GATAD2B: variants seen among roughly 807,000 people sequenced by gnomAD.
GATAD2B encodes the protein GATA zinc finger domain containing 2B, also known as transcriptional repressor p66-beta.
Under a neutral mutation model 64.3 loss-of-function variants are expected in GATAD2B, and 8 were observed. The observed-to-expected ratio is 0.12, with a 90% confidence interval of 0.07 to 0.22. The LOEUF is 0.22. Ranked by LOEUF, GATAD2B falls within the 10% of genes least tolerant of loss-of-function variation. The pLI, the probability that GATAD2B is intolerant of heterozygous loss-of-function variation, is 1.00. For missense variants in GATAD2B, 453 were observed against 752.0 expected (o/e 0.60, Z 4.65); for synonymous variants, 281 against 271.3 (o/e 1.04, Z -0.35).
chr1:153,815,280 C>CAAAACAAAAAAA (rs1674428829), intron 7 of GATAD2B, among the ~76,000 whole-genome samples: 2 of 66,628 alleles, frequency 3.0e-5, no homozygotes, highest in Admixed American at 2.0e-4. Flanking sequence ...CTCAAAAAAA[C>CAAAACAAAAAAA]AAAAAAAAAA....
At chr1:153,869,270 C>A (rs1025504734) in intron 1 of GATAD2B, among the ~76,000 whole-genome samples, 1 of 142,662 alleles carries the variant, frequency 7.0e-6, no homozygotes, top group Admixed American at 7.3e-5. Flanking sequence ...ACAGCCCAGG[C>A]GACAGAGCAA....
chr1:153,919,286 G>T (rs570969488), intron 1 of GATAD2B, among the ~76,000 whole-genome samples: 175 of 152,312 alleles, frequency 1.1e-3, no homozygotes, highest in African/African-American at 3.9e-3. Context: ...GATTTTGTGA[G>T]AGACAGCAAA....
At chr1:153,827,479 T>C (rs933851985) in intron 2 of GATAD2B, 6 of 153,672 alleles carry the variant, frequency 3.9e-5, no homozygotes, top group South Asian at 2.0e-4. Flanking sequence ...GAGAGTAACA[T>C]ACATGTACAA....
chr1:153,898,306 CAAAAAAAA>C (rs11373311), intron 1 of GATAD2B, among the ~76,000 whole-genome samples: 2 of 80,792 alleles, frequency 2.5e-5, no homozygotes, highest in Admixed American at 1.3e-4. Context: ...CAGCCTGTCT[CAAAAAAAA>C]AAAAAAAAAG....
At chr1:153,830,114 C>G (rs1675022788) in intron 1 of GATAD2B, among the ~76,000 whole-genome samples, 1 of 151,998 alleles carries the variant, frequency 6.6e-6, no homozygotes, top group Non-Finnish European at 1.5e-5. Context: ...CAAAACAAGA[C>G]CAAAAAATGA....
At chr1:153,913,232 C>T (rs776722457) in intron 1 of GATAD2B, among the ~76,000 whole-genome samples, 2 of 152,028 alleles carry the variant, frequency 1.3e-5, no homozygotes, top group African/African-American at 2.4e-5. Context: ...CCAGCCAGGA[C>T]AAATTTCTTA....
chr1:153,854,047 TTA>T (rs1675998133), intron 1 of GATAD2B, among the ~76,000 whole-genome samples: 1 of 152,096 alleles, frequency 6.6e-6, no homozygotes. Context: ...GCTCCCTGCT[TTA>T]TATAGAGATT....
intron 1 of GATAD2B, among the ~76,000 whole-genome samples, chr1:153,850,393 G>T (rs1675846547): frequency 6.6e-6 from 1 of 151,988 alleles, no homozygotes; most frequent in Admixed American, 6.5e-5. Context: ...TTCACCTCCC[G>T]GGTTCAAGTG....
chr1:153,892,109 G>C (rs987337030), intron 1 of GATAD2B, among the ~76,000 whole-genome samples: 58 of 144,664 alleles, frequency 4.0e-4, no homozygotes, highest in Non-Finnish European at 1.0e-4. Flanking sequence ...AGGTTGCAGT[G>C]AGCCGAGATC....
At chr1:153,919,574 G>C (rs1456286190) in intron 1 of GATAD2B, among the ~76,000 whole-genome samples, 1 of 152,168 alleles carries the variant, frequency 6.6e-6, no homozygotes, top group Admixed American at 6.6e-5. Flanking sequence ...GCTTCACAGA[G>C]ACTACTGAGG....
chr1:153,817,391 G>C lies in GATAD2B; in HGVS notation c.881C>G (p.Pro294Arg). Residue 294 changes from proline (P) to arginine (R), a missense_variant, in exon 6 of 11, where the codon CCC becomes CGC. Pro to Arg is a moderately radical substitution (Grantham distance 103, BLOSUM62 -2). Around this residue, in one of 2 missense-constraint regions of GATAD2B, gnomAD observed 293 missense variants for 417.2 expected, o/e 0.70. Transcript: ENST00000368655. The part of the protein sequence containing the change: ...LVRTTTPNMN[P>R]AINYQPQSSS... ...TCTTACCGGTTGATAATTGATGGCG[G>C]GATTCATGTTGGGTGTTGTGGTGCG... is the stretch of plus-strand genomic sequence containing the variant. The C allele has an allele frequency of 6.3e-7, 1 of 1,576,854 alleles. No individual in the cohort carries two copies. Among genetic ancestry groups the C allele is most frequent in the East Asian group, 2.3e-5 (1 of 43,950 alleles).
intron 1 of GATAD2B, among the ~76,000 whole-genome samples, chr1:153,862,358 G>A (rs557391840): frequency 3.8e-4 from 58 of 151,918 alleles, no homozygotes; most frequent in Admixed American, 2.2e-3. Context: ...TCTGACCTCA[G>A]GTGATCCGCC....
chr1:153,899,709 T>C (rs1425152057), intron 1 of GATAD2B, among the ~76,000 whole-genome samples: 3 of 152,318 alleles, frequency 2.0e-5, no homozygotes, highest in South Asian at 2.1e-4. Context: ...CCAAAGGCAC[T>C]TGAAGACAGA....
intron 1 of GATAD2B, among the ~76,000 whole-genome samples, chr1:153,845,928 A>G (rs370344178): frequency 2.7e-5 from 4 of 147,106 alleles, no homozygotes; most frequent in African/African-American, 1.0e-4. Context: ...GCAAGACACT[A>G]TCTCTATAAA....
At chr1:153,825,897 G>C (rs1433428127) in intron 2 of GATAD2B, among the ~76,000 whole-genome samples, 1 of 152,122 alleles carries the variant, frequency 6.6e-6, no homozygotes, top group Non-Finnish European at 1.5e-5. Context: ...TAGAGATTCT[G>C]CTTTGGATGA....
At chr1:153,827,699 C>T (rs770210929) in intron 2 of GATAD2B, 17 of 306,988 alleles carry the variant, frequency 5.5e-5, no homozygotes, top group Non-Finnish European at 9.5e-5. Flanking sequence ...CCTCCTAAGA[C>T]GGCCATGAAG....
intron 1 of GATAD2B, among the ~76,000 whole-genome samples, chr1:153,882,196 G>T (rs2101940667): frequency 6.6e-6 from 1 of 152,042 alleles, no homozygotes; most frequent in East Asian, 1.9e-4. Context: ...GCCAAACTTT[G>T]TCTTCATGAA....
chr1:153,834,205 C>T (rs1299040823), intron 1 of GATAD2B, among the ~76,000 whole-genome samples: 8 of 151,506 alleles, frequency 5.3e-5, no homozygotes, highest in Non-Finnish European at 7.4e-5. Flanking sequence ...GGGGTTTCAC[C>T]GTGTCAGCCA....
At chr1:153,858,643 AGGATCACTTG>A (rs1225367466) in intron 1 of GATAD2B, among the ~76,000 whole-genome samples, 3 of 152,136 alleles carry the variant, frequency 2.0e-5, no homozygotes, top group Non-Finnish European at 4.4e-5. Context: ...CTGAGGCGTG[AGGATCACTTG>A]GGTCTATGTA....
Sources: allele counts gnomAD v4.1 joint callset (sites outside exome capture counted in the v4.1 genomes callset), GRCh38; gene constraint gnomAD v4.1.1; regional missense constraint gnomAD v4.1.1; transcripts MANE v1.5; gene names NCBI Gene and HGNC (gene_info 2026-07-23, HGNC 2026-07-21).